HIVEP3: variants seen among roughly 807,000 people sequenced by gnomAD.
HIVEP3 encodes the protein HIVEP zinc finger 3, also known as transcription factor HIVEP3.
A neutral mutation model predicts 152.8 loss-of-function variants in HIVEP3; 49 were observed. That is an observed-to-expected ratio of 0.32 (90% confidence interval 0.26 to 0.41). The LOEUF (loss-of-function observed/expected upper bound fraction) is 0.41, where lower values mean the gene tolerates loss of function less well. Among genes scored for constraint, HIVEP3 ranks in the 10% least tolerant of loss-of-function variants. The pLI, the probability that HIVEP3 is intolerant of heterozygous loss-of-function variation, is 1.00. For synonymous variants in HIVEP3, 1,269 were observed against 1,289.0 expected, an observed-to-expected ratio of 0.98 and a Z score of 0.33; for missense variants, 2,790 against 3,103.3, an observed-to-expected ratio of 0.90 and a Z score of 2.40.
rs1020773877 is a variant in HIVEP3, at chr1:41,628,813, T to G, written c.-586A>C. 2.4e-6 allele frequency: 3 copies of G among 1,231,580 alleles called. No individual in the cohort carries two copies. In the African/African-American group the frequency reaches 4.7e-5, roughly 19 times the overall value. The allele number at this position is 1,231,580 out of a possible 1,614,324, so 76.3% of individuals were successfully genotyped here. ...CGCTGTTCTCTCTGAAAGCCAGCATTCATGTCCACTCCTACGGCAGCCACC... is the reference window on the plus strand; with the variant it reads ...CGCTGTTCTCTCTGAAAGCCAGCATGCATGTCCACTCCTACGGCAGCCACC... On this transcript the variant is annotated 5_prime_UTR_variant, in exon 3 of 9. Coordinates refer to ENST00000372583, the MANE Select transcript of HIVEP3 (RefSeq NM_024503.5).
At chr1:41,551,902 G>A (rs1156429554) in intron 5 of HIVEP3, among the ~76,000 whole-genome samples, 3 of 152,062 alleles carry the variant, frequency 2.0e-5, no homozygotes, top group Non-Finnish European at 4.4e-5. Context: ...TCTGATCTTA[G>A]CTATTTCTTG....
intron 1 of HIVEP3, among the ~76,000 whole-genome samples, chr1:41,821,189 A>G (rs945381021): frequency 6.6e-6 from 1 of 152,124 alleles, no homozygotes; most frequent in Non-Finnish European, 1.5e-5. Flanking sequence ...CCTGGGGTAG[A>G]GGCTGTATTC....
intron 2 of HIVEP3, among the ~76,000 whole-genome samples, chr1:41,674,148 C>T (rs548581361): frequency 5.3e-5 from 8 of 152,336 alleles, no homozygotes; most frequent in South Asian, 4.1e-4. Context: ...ACATAATCCC[C>T]GTGTCGGGAA....
intron 1 of HIVEP3, among the ~76,000 whole-genome samples, chr1:41,863,864 C>G (rs144482094): frequency 6.6e-6 from 1 of 152,148 alleles, no homozygotes; most frequent in Admixed American, 6.5e-5. Context: ...CTAAAATTTA[C>G]GATTGTGAGA....
At chr1:41,521,961 C>T (rs1399853718) in intron 6 of HIVEP3, among the ~76,000 whole-genome samples, 2 of 152,248 alleles carry the variant, frequency 1.3e-5, no homozygotes, top group Non-Finnish European at 2.9e-5. Context: ...CTCCCCAGCC[C>T]CACCTACTGA....
chr1:41,761,221 T>C (rs957841444), intron 1 of HIVEP3, among the ~76,000 whole-genome samples: 3 of 152,116 alleles, frequency 2.0e-5, no homozygotes, highest in Non-Finnish European at 2.9e-5. Flanking sequence ...TGTATGCATA[T>C]GTGTGTGTGC....
At chr1:41,706,695 A>T (rs1646438862) in intron 1 of HIVEP3, among the ~76,000 whole-genome samples, 1 of 152,262 alleles carries the variant, frequency 6.6e-6, no homozygotes, top group South Asian at 2.1e-4. Flanking sequence ...GGAGGGGACC[A>T]GGAAACCAGG....
At chr1:41,727,615 C>T (rs1646776146) in intron 1 of HIVEP3, among the ~76,000 whole-genome samples, 1 of 152,242 alleles carries the variant, frequency 6.6e-6, no homozygotes, top group African/African-American at 2.4e-5. Flanking sequence ...CGGAGGAATC[C>T]CCCGCAGACC....
intron 1 of HIVEP3, among the ~76,000 whole-genome samples, chr1:41,916,437 G>T (rs919082225): frequency 2.0e-5 from 3 of 152,182 alleles, no homozygotes; most frequent in Non-Finnish European, 4.4e-5. Context: ...GCGCTCAGGG[G>T]TGTGACAGGA....
intron 1 of HIVEP3, among the ~76,000 whole-genome samples, chr1:41,939,750 G>T (rs1165026293): frequency 6.6e-6 from 1 of 152,106 alleles, no homozygotes; most frequent in South Asian, 2.1e-4. Context: ...AGCTGGAAAA[G>T]AACTTAGAGA....
rs60729364 is a variant in HIVEP3, at chr1:41,791,121, TACACACACAC to T, written c.-800-90136_-800-90127del. 5.2e-3 allele frequency among the ~76,000 whole-genome samples: 729 copies of T among 140,816 alleles called. 8 individuals are homozygous for T. The highest frequency in any genetic ancestry group is 0.014 in the African/African-American group (549 of 38,122). The allele number at this position is 140,816 out of a possible 152,430, so 92.4% of individuals were successfully genotyped here. A position where few individuals can be genotyped will look rare whatever the true frequency, so the allele number is the denominator to read the frequency against. On this transcript the variant is annotated intron_variant, in intron 1 of 8. Transcript: ENST00000372583. ...TCCCCACAGCACAGGCACACATGTG[TACACACACAC>T]ACACACACACACACACACACACACA...
At chr1:41,630,475 G>A (rs963371203) in intron 2 of HIVEP3, among the ~76,000 whole-genome samples, 8 of 152,184 alleles carry the variant, frequency 5.3e-5, no homozygotes, top group Non-Finnish European at 1.0e-4. Flanking sequence ...CACAGGAGAG[G>A]AAGTCAGAGA....
intron 1 of HIVEP3, among the ~76,000 whole-genome samples, chr1:41,749,088 C>CT (rs1647116308): frequency 6.6e-6 from 1 of 152,208 alleles, no homozygotes; most frequent in African/African-American, 2.4e-5. Flanking sequence ...CAAGGGGTCT[C>CT]TATTTTCAGT....
intron 1 of HIVEP3, among the ~76,000 whole-genome samples, chr1:41,817,073 T>C (rs891332255): frequency 3.3e-5 from 5 of 152,214 alleles, no homozygotes; most frequent in African/African-American, 4.8e-5. Context: ...AGGGATTACA[T>C]CACTCACTGA....
intron 1 of HIVEP3, among the ~76,000 whole-genome samples, chr1:41,729,827 G>A (rs1045420290): frequency 6.6e-6 from 1 of 152,150 alleles, no homozygotes; most frequent in Non-Finnish European, 1.5e-5. Context: ...TGCTGGAGCC[G>A]GGAAGAGGTG....
chr1:41,684,833 C>T (rs891369944), intron 2 of HIVEP3, among the ~76,000 whole-genome samples: 1 of 152,212 alleles, frequency 6.6e-6, no homozygotes, highest in Admixed American at 6.5e-5. Context: ...AACAACCTGC[C>T]AGGTGGATAC....
At chr1:41,825,200 G>A (rs1642762916) in intron 1 of HIVEP3, among the ~76,000 whole-genome samples, 1 of 152,100 alleles carries the variant, frequency 6.6e-6, no homozygotes, top group African/African-American at 2.4e-5. Context: ...TGCGGGTAGG[G>A]GGATGGAAGT....
chr1:41,678,231 T>A (rs1377512958), intron 2 of HIVEP3, among the ~76,000 whole-genome samples: 1 of 152,204 alleles, frequency 6.6e-6, no homozygotes, highest in East Asian at 1.9e-4. Flanking sequence ...CCTGGGCCGC[T>A]GGGACCTGGA....
In HIVEP3 at chr1:41,580,578, C is replaced by T. The variant is rs1018212170; in HGVS notation, c.4220G>A (p.Gly1407Asp). 2 of 1,614,102 alleles carry T rather than the reference C, an allele frequency of 1.2e-6. No individual in the cohort carries two copies. The highest frequency in any genetic ancestry group is 3.3e-5 in the Admixed American group (2 of 60,008). The change falls in exon 4 of 9, where the codon GGC becomes GAC. Residue 1407 changes from glycine to aspartate, a missense_variant. Gly to Asp is a moderately conservative substitution (Grantham distance 94). Coordinates refer to ENST00000372583, the MANE Select transcript of HIVEP3 (RefSeq NM_024503.5). Reference protein sequence around the residue: ...RVPVTLPERKGTSLSSESILS... With the variant: ...RVPVTLPERKDTSLSSESILS... Reference sequence around the variant, plus strand: ...GATACTCTCTGATGACAGGGAAGTGCCTTTTCTTTCAGGTAATGTCACAGG... The same window carrying T: ...GATACTCTCTGATGACAGGGAAGTGTCTTTTCTTTCAGGTAATGTCACAGG...
Sources: gnomAD v4.1 joint callset for allele counts (sites outside exome capture counted in the v4.1 genomes callset) on GRCh38, gnomAD v4.1.1 for gene constraint, MANE v1.5 for transcripts, NCBI Gene and HGNC (gene_info 2026-07-23, HGNC 2026-07-21) for gene names.